Variants in HCN1 observed in about 807,000 individuals in gnomAD.
HCN1 encodes the protein hyperpolarization activated cyclic nucleotide gated potassium channel 1.
A neutral mutation model predicts 78.9 loss-of-function variants in HCN1; 13 were observed. That is an observed-to-expected ratio of 0.16 (90% CI 0.11 to 0.26). The LOEUF is 0.26. Among genes scored for constraint, HCN1 ranks in the 10% least tolerant of loss-of-function variants. HCN1 has a pLI of 1.00. For synonymous variants in HCN1, 552 were observed against 455.5 expected (o/e 1.21, Z -2.70); for missense variants, 810 against 1,154.3 (o/e 0.70, Z 4.32).
At chr5:45,641,290 C>T (rs1325570464) in intron 2 of HCN1, among the ~76,000 whole-genome samples, 1 of 152,182 alleles carries the variant, frequency 6.6e-6, no homozygotes, top group Non-Finnish European at 1.5e-5. Context: ...CTGTAATCTG[C>T]ATTAGCTCCC....
intron 3 of HCN1, among the ~76,000 whole-genome samples, chr5:45,447,379 A>T (rs1394697811): frequency 6.6e-6 from 1 of 152,138 alleles, no homozygotes; most frequent in African/African-American, 2.4e-5. Flanking sequence ...AGTAGCTGAG[A>T]CTACAGGCAT....
At chr5:45,518,248 C>T (rs968100928) in intron 2 of HCN1, among the ~76,000 whole-genome samples, 1 of 151,962 alleles carries the variant, frequency 6.6e-6, no homozygotes, top group Admixed American at 6.6e-5. Flanking sequence ...TCAGAGTAGA[C>T]TCTAAATTGT....
At chr5:45,264,273 T>G (rs1483979152) in intron 7 of HCN1, among the ~76,000 whole-genome samples, 1 of 152,180 alleles carries the variant, frequency 6.6e-6, no homozygotes, top group Non-Finnish European at 1.5e-5. Context: ...ATACAGCTTT[T>G]CCTGCCATCA....
In HCN1 at chr5:45,484,506, A is replaced by G. The variant is rs77767383; in HGVS notation, c.850-22499T>C. Among the ~76,000 whole-genome samples the G allele has an allele frequency of 9.9e-3, 1,511 of 152,230 alleles. 69 individuals are homozygous for G. Among genetic ancestry groups the G allele is most frequent in the Admixed American group, 0.069 (1,057 of 15,288 alleles). On this transcript the variant is annotated intron_variant, in intron 2 of 7. Coordinates refer to ENST00000303230, the MANE Select transcript of HCN1 (RefSeq NM_021072.4). ...TCCAGGGAAGCCCTTTGGTGCAGAC[A>G]TGACTCAAAGAGGGGGTCCCCTTGC...
At chr5:45,369,031 T>C (rs1485567191) in intron 4 of HCN1, among the ~76,000 whole-genome samples, 1 of 151,922 alleles carries the variant, frequency 6.6e-6, no homozygotes, top group Non-Finnish European at 1.5e-5. Context: ...TCTGTTTTGT[T>C]GTCACTCTTA....
At chr5:45,413,260 A>G (rs1489477002) in intron 3 of HCN1, among the ~76,000 whole-genome samples, 1 of 152,108 alleles carries the variant, frequency 6.6e-6, no homozygotes, top group Non-Finnish European at 1.5e-5. Flanking sequence ...AAAGGAATAG[A>G]GTATCAAAGT....
chr5:45,350,503 T>C (rs1746869881), intron 5 of HCN1, among the ~76,000 whole-genome samples: 1 of 151,684 alleles, frequency 6.6e-6, no homozygotes, highest in Non-Finnish European at 1.5e-5. Context: ...CTATTCAACA[T>C]AGTGTTGGAA....
intron 2 of HCN1, among the ~76,000 whole-genome samples, chr5:45,535,771 C>G (rs545018769): frequency 6.6e-6 from 1 of 152,110 alleles, no homozygotes; most frequent in African/African-American, 2.4e-5. Flanking sequence ...ACAATATAGT[C>G]TGCAATATGA....
chr5:45,395,089 C>T (rs1739661723), intron 4 of HCN1, among the ~76,000 whole-genome samples: 3 of 151,926 alleles, frequency 2.0e-5, no homozygotes, highest in South Asian at 2.1e-4. Flanking sequence ...CAATAAAATG[C>T]TAATCACTGC....
intron 2 of HCN1, among the ~76,000 whole-genome samples, chr5:45,583,912 G>A (rs1744142097): frequency 6.6e-6 from 1 of 152,092 alleles, no homozygotes. Context: ...TATAATTTCT[G>A]TTCTTTTACA....
intron 1 of HCN1, among the ~76,000 whole-genome samples, chr5:45,671,595 T>G (rs1580040025): frequency 1.3e-5 from 2 of 151,378 alleles, no homozygotes; most frequent in South Asian, 4.1e-4. Context: ...TGAGGACTTA[T>G]CACTTTGATG....
rs116496011 is a variant in HCN1 at position 45,328,082 on chromosome 5, G to A, written c.1378-24243C>T. ...TACAGTAGTCCCCTGTCCTCTGTGGGGAGTATGTCGATGCCTGAAATCTCA... is the reference window on the plus strand; with the variant it reads ...TACAGTAGTCCCCTGTCCTCTGTGGAGAGTATGTCGATGCCTGAAATCTCA... On this transcript the variant is annotated intron_variant, in intron 5 of 7. Transcript: ENST00000303230. Among the ~76,000 whole-genome samples, 399 of 151,670 alleles carry A rather than the reference G, an allele frequency of 2.6e-3. 2 individuals are homozygous for A. The highest frequency in any genetic ancestry group is 9.3e-3 in the African/African-American group (386 of 41,444).
intron 1 of HCN1, among the ~76,000 whole-genome samples, chr5:45,650,748 T>C (rs1243851047): frequency 2.0e-5 from 3 of 152,010 alleles, no homozygotes; most frequent in African/African-American, 4.8e-5. Context: ...TAGTCCATGA[T>C]ACTAAATCAA....
rs75205352 is a variant in HCN1, at chr5:45,312,148, C to G, written c.1378-8309G>C. Reference sequence around the variant, plus strand: ...GGTTGTTTCAGTCTTCTAAAACATTCAAGCACACACTTGGGTGAAGATTTT... The same window carrying G: ...GGTTGTTTCAGTCTTCTAAAACATTGAAGCACACACTTGGGTGAAGATTTT... On this transcript the variant is annotated intron_variant, in intron 5 of 7. Transcript: ENST00000303230. 1.8e-4 allele frequency among the ~76,000 whole-genome samples: 27 copies of G among 152,284 alleles called. No individual in the cohort carries two copies. In the East Asian group the frequency reaches 5.0e-3, roughly 28 times the overall value.
At chr5:45,266,007 C>T (rs1160725533) in intron 7 of HCN1, among the ~76,000 whole-genome samples, 8 of 151,834 alleles carry the variant, frequency 5.3e-5, no homozygotes, top group South Asian at 4.2e-4. Context: ...TGAGCAGAGT[C>T]GAGCTGACCA....
At chr5:45,468,137 C>A (rs527357154) in intron 2 of HCN1, among the ~76,000 whole-genome samples, 1 of 152,234 alleles carries the variant, frequency 6.6e-6, no homozygotes, top group East Asian at 1.9e-4. Context: ...TTCAGGCTGA[C>A]TTTATTTCCC....
intron 4 of HCN1, among the ~76,000 whole-genome samples, chr5:45,386,001 C>T (rs1463984730): frequency 6.6e-6 from 1 of 152,050 alleles, no homozygotes; most frequent in Non-Finnish European, 1.5e-5. Flanking sequence ...ATGAATTGAC[C>T]ACATTTTAGT....
At chr5:45,572,250 T>A (rs1437552459) in intron 2 of HCN1, among the ~76,000 whole-genome samples, 1 of 152,196 alleles carries the variant, frequency 6.6e-6, no homozygotes, top group Non-Finnish European at 1.5e-5. Context: ...ACCTTAACCC[T>A]GAGGAATGAA....
chr5:45,512,174 G>A (rs2111758862), intron 2 of HCN1, among the ~76,000 whole-genome samples: 1 of 152,092 alleles, frequency 6.6e-6, no homozygotes, highest in African/African-American at 2.4e-5. Context: ...ATAAATTTGA[G>A]AATAAAAGTA....
Sources: allele counts gnomAD v4.1 joint callset (sites outside exome capture counted in the v4.1 genomes callset), GRCh38; gene constraint gnomAD v4.1.1; transcripts MANE v1.5; gene names NCBI Gene and HGNC (gene_info 2026-07-23, HGNC 2026-07-21).